The following LRRC4C variants were observed in gnomAD, a reference collection of about 807,000 sequenced individuals.
The protein encoded by LRRC4C is leucine rich repeat containing 4C.
Under a neutral mutation model 33.6 loss-of-function variants are expected in LRRC4C, and 5 were observed. That is an observed-to-expected ratio of 0.15 (90% CI 0.08 to 0.31). The LOEUF (loss-of-function observed/expected upper bound fraction) is 0.31. LRRC4C is among the 10% of genes least tolerant of loss of function. The pLI is 1.00. For missense variants in LRRC4C, 560 were observed against 796.7 expected (o/e 0.70, Z 3.58); for synonymous variants, 329 against 302.0 (o/e 1.09, Z -0.93).
Position 40,828,542 on chromosome 11 carries a change from G to T in LRRC4C, c.-407+105093C>A, listed in dbSNP as rs1191956967. 2.6e-5 allele frequency among the ~76,000 whole-genome samples: 4 copies of T among 151,886 alleles called. No homozygotes were observed. In the East Asian group the frequency reaches 7.7e-4, roughly 29 times the overall value. The stretch of plus-strand genomic sequence containing the variant: ...ACATGGTTCGCATTTATACTAAAAT[G>T]GAAACATTCAGGTTTTTAGCATTAA... On this transcript the variant is annotated intron_variant, in intron 2 of 6. Transcript: ENST00000528697.
At chr11:40,777,511 TTTTTTTGTTTAAA>T (rs1950052294) in intron 2 of LRRC4C, among the ~76,000 whole-genome samples, 1 of 144,398 alleles carries the variant, frequency 6.9e-6, no homozygotes, top group Non-Finnish European at 1.5e-5. Flanking sequence ...TTTTTTTTTT[TTTTTTTGTTTAAA>T]GTTTGTTATT....
chr11:41,134,811 A>G (rs189804782), intron 1 of LRRC4C, among the ~76,000 whole-genome samples: 1 of 152,302 alleles, frequency 6.6e-6, no homozygotes, highest in East Asian at 1.9e-4. Flanking sequence ...TTAGGACATC[A>G]ACATATCATT....
At chr11:40,246,397 C>A (rs1425667789) in intron 4 of LRRC4C, among the ~76,000 whole-genome samples, 1 of 152,106 alleles carries the variant, frequency 6.6e-6, no homozygotes, top group African/African-American at 2.4e-5. Context: ...ACTCTGCAGA[C>A]TTTTGATTTA....
chr11:41,192,053 C>A (rs12789491), intron 1 of LRRC4C, among the ~76,000 whole-genome samples: 77,922 of 151,932 alleles, frequency 0.51, 23,034 homozygotes, highest in Non-Finnish European at 0.67. Flanking sequence ...CCTAGATAGC[C>A]ACACAGCACA....
At chr11:40,809,974 C>T (rs1162928847) in intron 2 of LRRC4C, among the ~76,000 whole-genome samples, 1 of 152,168 alleles carries the variant, frequency 6.6e-6, no homozygotes, top group Non-Finnish European at 1.5e-5. Context: ...ATAAATTACT[C>T]TTTCTTTACT....
chr11:40,722,537 CT>C (rs1947074297), intron 2 of LRRC4C, among the ~76,000 whole-genome samples: 1 of 152,184 alleles, frequency 6.6e-6, no homozygotes, highest in South Asian at 2.1e-4. Context: ...AGACAATCCC[CT>C]TACACAACAT....
chr11:40,475,837 A>T (rs1953188389), intron 3 of LRRC4C, among the ~76,000 whole-genome samples: 1 of 152,112 alleles, frequency 6.6e-6, no homozygotes, highest in African/African-American at 2.4e-5. Context: ...CTAGCATCAC[A>T]GTTCCTGGGT....
intron 1 of LRRC4C, among the ~76,000 whole-genome samples, chr11:41,163,638 G>C (rs905164074): frequency 6.7e-6 from 1 of 150,368 alleles, no homozygotes; most frequent in East Asian, 2.0e-4. Flanking sequence ...TTGAAACAGA[G>C]TCTCTCTCTG....
At chr11:40,828,526 G>A (rs933578221) in intron 2 of LRRC4C, among the ~76,000 whole-genome samples, 2 of 151,722 alleles carry the variant, frequency 1.3e-5, no homozygotes, top group East Asian at 1.9e-4. Flanking sequence ...TACATGGTTC[G>A]CATTTATACT....
chr11:40,465,857 C>T (rs775230366), intron 3 of LRRC4C, among the ~76,000 whole-genome samples: 5 of 151,992 alleles, frequency 3.3e-5, no homozygotes, highest in Non-Finnish European at 4.4e-5. Context: ...CTATGGACAA[C>T]AGTGTGGAGA....
intron 3 of LRRC4C, among the ~76,000 whole-genome samples, chr11:40,522,154 C>T (rs1955843572): frequency 6.6e-6 from 1 of 152,158 alleles, no homozygotes; most frequent in Non-Finnish European, 1.5e-5. Context: ...TCCCAAGTAG[C>T]TTGGGATTAA....
intron 4 of LRRC4C, among the ~76,000 whole-genome samples, chr11:40,251,534 G>A (rs538056303): frequency 4.4e-4 from 67 of 152,196 alleles, no homozygotes; most frequent in East Asian, 2.7e-3. Context: ...AGCCTGGCTC[G>A]AAGGAAAATA....
chr11:41,376,197 C>T (rs1268383880), intron 1 of LRRC4C, among the ~76,000 whole-genome samples: 1 of 152,054 alleles, frequency 6.6e-6, no homozygotes, highest in Admixed American at 6.6e-5. Flanking sequence ...AATATAAACA[C>T]CCATTGCACT....
chr11:40,407,983 C>T (rs1373506014), intron 3 of LRRC4C, among the ~76,000 whole-genome samples: 2 of 151,856 alleles, frequency 1.3e-5, no homozygotes, highest in African/African-American at 4.8e-5. Flanking sequence ...AGATAGATTG[C>T]AGATAATTCA....
At chr11:41,134,575 A>G (rs1447242887) in intron 1 of LRRC4C, among the ~76,000 whole-genome samples, 1 of 152,210 alleles carries the variant, frequency 6.6e-6, no homozygotes, top group Non-Finnish European at 1.5e-5. Context: ...GGCTTAAAAC[A>G]TCAGAGATGT....
chr11:41,406,655 C>A (rs1954246808), intron 1 of LRRC4C, among the ~76,000 whole-genome samples: 1 of 151,116 alleles, frequency 6.6e-6, no homozygotes, highest in South Asian at 2.1e-4. Flanking sequence ...AGGACCTAAT[C>A]TAGCATGCTT....
chr11:40,422,750 G>A (rs1234685439), intron 3 of LRRC4C, among the ~76,000 whole-genome samples: 9 of 151,470 alleles, frequency 5.9e-5, no homozygotes, highest in Non-Finnish European at 1.3e-4. Context: ...ATTCTTTTTG[G>A]CCATCAGCCT....
chr11:41,037,338 TA>T (rs1163918409), intron 1 of LRRC4C, among the ~76,000 whole-genome samples: 1 of 151,996 alleles, frequency 6.6e-6, no homozygotes, highest in Admixed American at 6.6e-5. Context: ...TTTTCTTATT[TA>T]TTTTTTTGTT....
intron 1 of LRRC4C, among the ~76,000 whole-genome samples, chr11:41,051,520 C>CAGAAAAAA (rs1858207406): frequency 1.7e-5 from 1 of 60,288 alleles, no homozygotes; most frequent in Non-Finnish European, 2.8e-5. Flanking sequence ...GGTCTCAAGG[C>CAGAAAAAA]AAAAAAAAAA....
Sources: allele counts gnomAD v4.1 joint callset (sites outside exome capture counted in the v4.1 genomes callset), GRCh38; gene constraint gnomAD v4.1.1; transcripts MANE v1.5; gene names NCBI Gene and HGNC (gene_info 2026-07-23, HGNC 2026-07-21).